Variants in LMX1A observed in about 807,000 individuals in gnomAD.
The protein encoded by LMX1A is LIM homeobox transcription factor 1-alpha.
LMX1A carries 15 observed loss-of-function variants against 49.1 expected under a neutral mutation model. That is an observed-to-expected ratio of 0.31 (90% CI 0.20 to 0.47). The LOEUF (loss-of-function observed/expected upper bound fraction) is 0.47. Ranked by LOEUF, LMX1A falls within the 20% of genes least tolerant of loss-of-function variation. The pLI, the probability that LMX1A is intolerant of heterozygous loss-of-function variation, is 1.00. For synonymous variants in LMX1A, 167 were observed against 185.7 expected (o/e 0.90, Z 0.82); for missense variants, 372 against 475.8 (o/e 0.78, Z 2.03).
At chr1:165,298,590 T>C (rs751388454) in intron 3 of LMX1A, among the ~76,000 whole-genome samples, 1 of 152,204 alleles carries the variant, frequency 6.6e-6, no homozygotes, top group African/African-American at 2.4e-5. Flanking sequence ...AGCTGGCCCA[T>C]GTGAAATGCT....
At chr1:165,345,936 A>G (rs1389909402) in intron 3 of LMX1A, among the ~76,000 whole-genome samples, 2 of 152,222 alleles carry the variant, frequency 1.3e-5, no homozygotes, top group Non-Finnish European at 2.9e-5. Context: ...CTGGGCAAAA[A>G]ATGAGGCAGT....
chr1:165,307,953 C>T (rs552003713), intron 3 of LMX1A, among the ~76,000 whole-genome samples: 7 of 152,276 alleles, frequency 4.6e-5, no homozygotes, highest in African/African-American at 1.7e-4. Context: ...ATGCTCCTCC[C>T]CCTTCCTCCT....
chr1:165,222,205 G>A (rs778657999), intron 4 of LMX1A, among the ~76,000 whole-genome samples: 3 of 152,098 alleles, frequency 2.0e-5, no homozygotes, highest in South Asian at 2.1e-4. Flanking sequence ...ACCATAACTC[G>A]TTTTGTTTTG....
At chr1:165,274,468 A>C (rs1457291258) in intron 3 of LMX1A, among the ~76,000 whole-genome samples, 1 of 152,138 alleles carries the variant, frequency 6.6e-6, no homozygotes, top group African/African-American at 2.4e-5. Context: ...GATTGAATTG[A>C]ACTAATTTGG....
chr1:165,264,840 G>A (rs562092567), intron 3 of LMX1A, among the ~76,000 whole-genome samples: 2 of 152,092 alleles, frequency 1.3e-5, no homozygotes, highest in Admixed American at 1.3e-4. Context: ...CCAGGAGGTC[G>A]AGGCTGCAGT....
chr1:165,239,568 C>A (rs1167128994), intron 4 of LMX1A, among the ~76,000 whole-genome samples: 4 of 152,142 alleles, frequency 2.6e-5, no homozygotes, highest in Non-Finnish European at 5.9e-5. Flanking sequence ...GAGCAACAAA[C>A]AATTCCGGTA....
Position 165,355,793 on chromosome 1 carries a change from C to A in LMX1A, c.-22-212G>T. ...GATCTGATTTCACTTGAAGTCAACA[C>A]GTTATGTACTTAGGCCTCCGCCCCC... On this transcript the variant is annotated intron_variant, in intron 1 of 8. Coordinates refer to ENST00000342310, the MANE Select transcript of LMX1A (RefSeq NM_177398.4). The surrounding 1 kb of genome is among the most constrained non-coding windows in gnomAD (Gnocchi z 4.7). The A allele has an allele frequency of 5.3e-6, 3 of 565,550 alleles. No individual in the cohort carries two copies. Among genetic ancestry groups the A allele is most frequent in the Non-Finnish European group, 9.5e-6 (3 of 317,330 alleles). The allele number at this position is 565,550 out of a possible 1,614,324, so 35.0% of individuals were successfully genotyped here.
At position 165,315,659 on chromosome 1, in the gene LMX1A, C is replaced by T. The variant is rs569055859; in HGVS notation, c.263+37417G>A. Among the ~76,000 whole-genome samples, 7 of 152,322 alleles carry T rather than the reference C, an allele frequency of 4.6e-5. No individual in the cohort carries two copies. In the South Asian group the frequency reaches 1.4e-3, roughly 32 times the overall value. On this transcript the variant is annotated intron_variant, in intron 3 of 8. Transcript: ENST00000342310. ...AGTACAACACAGCATTTCACAATCC[C>T]ACACTGTGTCTGACAGCCTTGAGAT...
At chr1:165,235,906 G>A (rs1441433806) in intron 4 of LMX1A, among the ~76,000 whole-genome samples, 2 of 152,146 alleles carry the variant, frequency 1.3e-5, no homozygotes, top group Non-Finnish European at 2.9e-5. Flanking sequence ...GTCCGTGTGT[G>A]TTTCTGCGCC....
At chr1:165,279,269 G>A (rs1363226360) in intron 3 of LMX1A, among the ~76,000 whole-genome samples, 3 of 152,224 alleles carry the variant, frequency 2.0e-5, no homozygotes, top group African/African-American at 7.2e-5. Context: ...CCAGTGGGAA[G>A]AGGCCTCGTC....
chr1:165,240,642 T>C (rs1031955938), intron 4 of LMX1A, among the ~76,000 whole-genome samples: 2 of 152,224 alleles, frequency 1.3e-5, no homozygotes, highest in African/African-American at 4.8e-5. Flanking sequence ...CATAAATAGA[T>C]TATGGCATGT....
intron 3 of LMX1A, among the ~76,000 whole-genome samples, chr1:165,341,025 T>C (rs187796998): frequency 2.0e-5 from 3 of 152,306 alleles, no homozygotes; most frequent in Non-Finnish European, 4.4e-5. Context: ...TCTGCCAGTC[T>C]CTACCCACAC....
At chr1:165,309,108 C>T (rs1478194046) in intron 3 of LMX1A, among the ~76,000 whole-genome samples, 4 of 152,088 alleles carry the variant, frequency 2.6e-5, no homozygotes, top group Non-Finnish European at 4.4e-5. Context: ...AGCCCCCTCC[C>T]CGCCCTGCCA....
chr1:165,219,578 C>T (rs992576236), intron 4 of LMX1A, among the ~76,000 whole-genome samples: 4 of 152,294 alleles, frequency 2.6e-5, no homozygotes, highest in African/African-American at 9.6e-5. Context: ...ACTCTCAATG[C>T]AATGAACTCA....
At chr1:165,272,289 A>T (rs145941072) in intron 3 of LMX1A, among the ~76,000 whole-genome samples, 191 of 152,204 alleles carry the variant, frequency 1.3e-3, no homozygotes, top group African/African-American at 3.2e-3. Flanking sequence ...AACAAATTCC[A>T]CCATATGTTA....
chr1:165,352,643 G>A (rs61800569), intron 3 of LMX1A, among the ~76,000 whole-genome samples: 13,621 of 152,282 alleles, frequency 0.089, 791 homozygotes, highest in South Asian at 0.14. Context: ...GCGCGACGCT[G>A]GCGCGGACAC....
chr1:165,292,649 A>G (rs1431367413), intron 3 of LMX1A, among the ~76,000 whole-genome samples: 1 of 152,220 alleles, frequency 6.6e-6, no homozygotes, highest in Admixed American at 6.5e-5. Context: ...TCCTCCAAAT[A>G]GGCAGCATTC....
At chr1:165,277,592 G>A (rs189315700) in intron 3 of LMX1A, among the ~76,000 whole-genome samples, 5 of 152,316 alleles carry the variant, frequency 3.3e-5, no homozygotes, top group Admixed American at 2.6e-4. Flanking sequence ...CTGACTGCCA[G>A]GAAAACCCAA....
intron 3 of LMX1A, among the ~76,000 whole-genome samples, chr1:165,258,947 C>A (rs894778005): frequency 2.6e-5 from 4 of 152,104 alleles, no homozygotes; most frequent in African/African-American, 7.2e-5. Context: ...ATCATAACAA[C>A]CTTATGAGAT....
Sources: allele counts gnomAD v4.1 joint callset (sites outside exome capture counted in the v4.1 genomes callset), GRCh38; gene constraint gnomAD v4.1.1; non-coding constraint Gnocchi (gnomAD v3.1); transcripts MANE v1.5; gene names NCBI Gene and HGNC (gene_info 2026-07-23, HGNC 2026-07-21).